The following CD226 variants were observed in gnomAD, a reference collection of about 807,000 sequenced individuals.
CD226 encodes the protein CD226 molecule.
In CD226, 24 loss-of-function variants were observed where a neutral mutation model predicts 34.9. That is an observed-to-expected ratio of 0.69 (90% CI 0.50 to 0.97). The LOEUF (loss-of-function observed/expected upper bound fraction) is 0.97. Among genes scored for constraint, CD226 ranks in the 50% least tolerant of loss-of-function variants. The pLI, the probability that CD226 is intolerant of heterozygous loss-of-function variation, is 0.00. For missense variants in CD226, 397 were observed against 412.7 expected (o/e 0.96, Z 0.33); for synonymous variants, 148 against 147.4 (o/e 1.00, Z -0.03).
rs142661582 is a variant in CD226 at position 69,865,146 on chromosome 18, C to T, written c.886-707G>A. On this transcript the variant is annotated intron_variant, in intron 5 of 5. Coordinates refer to ENST00000582621, the MANE Select transcript of CD226 (RefSeq NM_001303618.2). ...CTGGGATTACAGGCAAGCACCATCA[C>T]GCCCAGCTAATTTTTGTATTTTTAG... Among the ~76,000 whole-genome samples the T allele has an allele frequency of 2.7e-3, 409 of 152,138 alleles. 1 individual carries two copies. Among genetic ancestry groups the T allele is most frequent in the African/African-American group, 3.7e-3 (153 of 41,504 alleles).
intron 3 of CD226, among the ~76,000 whole-genome samples, chr18:69,887,435 C>T (rs1436178678): frequency 6.6e-6 from 1 of 152,106 alleles, no homozygotes; most frequent in South Asian, 2.1e-4. Flanking sequence ...ACTTGGTGAG[C>T]CTGTATTTTT....
rs1372046117 is a variant in CD226, at chr18:69,864,090, T to C, written c.*224A>G. On this transcript the variant is annotated 3_prime_UTR_variant, in exon 6 of 6. Coordinates refer to ENST00000582621, the MANE Select transcript of CD226 (RefSeq NM_001303618.2). The stretch of plus-strand genomic sequence containing the variant: ...ATCTCCCCTGGATCATTCTGTTATA[T>C]GATACAGTAAGTTTTCTTTTGTATA... The C allele has an allele frequency of 2.1e-6, 1 of 485,574 alleles. No individual in the cohort carries two copies. Among genetic ancestry groups the C allele is most frequent in the Non-Finnish European group, 3.7e-6 (1 of 271,274 alleles). The allele number at this position is 485,574 out of a possible 1,614,324, so 30.1% of individuals were successfully genotyped here.
At chr18:69,915,769 T>C (rs146457880) in intron 2 of CD226, among the ~76,000 whole-genome samples, 6 of 152,210 alleles carry the variant, frequency 3.9e-5, no homozygotes, top group African/African-American at 1.4e-4. Flanking sequence ...AAAGTTATCA[T>C]TTTACACTCT....
chr18:69,929,778 C>T (rs191405398), intron 2 of CD226, among the ~76,000 whole-genome samples: 163 of 152,332 alleles, frequency 1.1e-3, no homozygotes, highest in Non-Finnish European at 1.9e-3. Context: ...TCAATGACAG[C>T]ACCATCTACT....
At chr18:69,888,953 T>C (rs1388724676) in intron 3 of CD226, among the ~76,000 whole-genome samples, 2 of 152,074 alleles carry the variant, frequency 1.3e-5, no homozygotes, top group Non-Finnish European at 1.5e-5. Flanking sequence ...AGGCAAACAT[T>C]CTAGGTTTTT....
intron 2 of CD226, among the ~76,000 whole-genome samples, chr18:69,897,980 G>A (rs375992340): frequency 1.6e-4 from 24 of 151,794 alleles, no homozygotes; most frequent in African/African-American, 5.3e-4. Context: ...AAAACATTTC[G>A]TCTCTAAGTA....
At chr18:69,934,082 A>G (rs139523140) in intron 2 of CD226, among the ~76,000 whole-genome samples, 1 of 152,348 alleles carries the variant, frequency 6.6e-6, no homozygotes, top group East Asian at 1.9e-4. Flanking sequence ...GACATATACT[A>G]ACATTACCAA....
chr18:69,915,922 G>C (rs1241146909), intron 2 of CD226, among the ~76,000 whole-genome samples: 4 of 152,108 alleles, frequency 2.6e-5, no homozygotes, highest in African/African-American at 9.7e-5. Context: ...TCAAATCACA[G>C]GATGTGCCAG....
At chr18:69,866,916 A>T (rs1983183824) in intron 5 of CD226, among the ~76,000 whole-genome samples, 1 of 152,212 alleles carries the variant, frequency 6.6e-6, no homozygotes, top group Non-Finnish European at 1.5e-5. Context: ...CGACAGCTCC[A>T]CTAGAAGCTG....
rs147970414 is a variant in CD226, at chr18:69,891,157, T to G, written c.727+4544A>C. Among the ~76,000 whole-genome samples, 880 of 152,198 alleles carry G rather than the reference T, an allele frequency of 5.8e-3. 6 individuals carry two copies. Among genetic ancestry groups the G allele is most frequent in the African/African-American group, 0.019 (806 of 41,518 alleles). ...AATCAATTCTGATTTATCCCTGGCATGCAAAGATGGTTCAACATATGTAAA... is the reference window on the plus strand; with the variant it reads ...AATCAATTCTGATTTATCCCTGGCAGGCAAAGATGGTTCAACATATGTAAA... On this transcript the variant is annotated intron_variant, in intron 3 of 5. Coordinates refer to ENST00000582621, the MANE Select transcript of CD226 (RefSeq NM_001303618.2).
intron 2 of CD226, among the ~76,000 whole-genome samples, chr18:69,930,373 GATTTGTGAAAGGAGCAAATGT>G (rs2055574543): frequency 1.3e-5 from 2 of 152,338 alleles, no homozygotes; most frequent in Admixed American, 6.5e-5. Context: ...GAGCAGGACA[GATTTGTGAAAGGAGCAAATGT>G]ATTTGTGAAA....
chr18:69,901,906 T>C (rs2055191665), intron 2 of CD226, among the ~76,000 whole-genome samples: 2 of 151,506 alleles, frequency 1.3e-5, no homozygotes, highest in Admixed American at 1.3e-4. Context: ...TATTTGTTAG[T>C]ACAAGATTTG....
chr18:69,903,105 T>C (rs2055208253), intron 2 of CD226, among the ~76,000 whole-genome samples: 1 of 152,192 alleles, frequency 6.6e-6, no homozygotes, highest in Non-Finnish European at 1.5e-5. Flanking sequence ...AATGGCACTT[T>C]TGAAGCTCAT....
At chr18:69,914,719 A>G (rs1238476872) in intron 2 of CD226, among the ~76,000 whole-genome samples, 1 of 152,196 alleles carries the variant, frequency 6.6e-6, no homozygotes, top group Non-Finnish European at 1.5e-5. Context: ...ACAAATAACC[A>G]TCAATTGAGG....
rs2145369787 is a variant in CD226 at position 69,947,586 on chromosome 18, T to A, written c.-180A>T. The A allele has an allele frequency of 4.7e-6, 2 of 427,844 alleles. 1 individual carries two copies. The highest frequency in any genetic ancestry group is 1.1e-3 in the Middle Eastern group (2 of 1,808). 26.5% of individuals were successfully genotyped at this position (427,844 alleles called of 1,614,324 possible). A position where few individuals can be genotyped will look rare whatever the true frequency, so the allele number is the denominator to read the frequency against. Reference sequence around the variant, plus strand: ...TAGCTTAAAAGACAGGTTTGCTCCTTTATGAGGATGGGCAGATTTGAGTTT... The same window carrying A: ...TAGCTTAAAAGACAGGTTTGCTCCTATATGAGGATGGGCAGATTTGAGTTT... On this transcript the variant is annotated 5_prime_UTR_variant, in exon 1 of 6. Transcript: ENST00000582621.
upstream of CD226, among the ~76,000 whole-genome samples, chr18:69,951,038 T>A (rs914369040): frequency 6.6e-6 from 1 of 150,880 alleles, no homozygotes; most frequent in African/African-American, 2.5e-5. Flanking sequence ...TGCTATGTTG[T>A]CCAGGCTGAT....
rs1419886650 is a variant in CD226, at chr18:69,855,168, T to C, written c.*9146A>G. ...TCAAAAGGCAAGAAAAGTCATGGTC[T>C]GAAGAGATAAAGCAATCATTGGAAC... On this transcript the variant is annotated 3_prime_UTR_variant, in exon 6 of 6. Coordinates refer to ENST00000582621, the MANE Select transcript of CD226 (RefSeq NM_001303618.2). 6.6e-6 allele frequency: 1 copy of C among 152,040 alleles called. No individual in the cohort carries two copies. The highest frequency in any genetic ancestry group is 1.5e-5 in the Non-Finnish European group (1 of 68,020). 9.4% of individuals were successfully genotyped at this position (152,040 alleles called of 1,614,324 possible).
At position 69,856,443 on chromosome 18, in the gene CD226, G is replaced by T. The variant is rs547636480; in HGVS notation, c.*7871C>A. 1 of 152,186 alleles carries T rather than the reference G, an allele frequency of 6.6e-6. No individual in the cohort carries two copies. The highest frequency in any genetic ancestry group is 2.1e-4 in the South Asian group (1 of 4,818). 9.4% of individuals were successfully genotyped at this position (152,186 alleles called of 1,614,324 possible). A position where few individuals can be genotyped will look rare whatever the true frequency, so the allele number is the denominator to read the frequency against. ...AAAGGATATAGATAATCTGAACGGT[G>T]GTATCAATCAGTTTAATCTAATGGA... On this transcript the variant is annotated 3_prime_UTR_variant, in exon 6 of 6. Coordinates refer to ENST00000582621, the MANE Select transcript of CD226 (RefSeq NM_001303618.2).
At chr18:69,882,204 C>T (rs1044949337) in intron 3 of CD226, among the ~76,000 whole-genome samples, 2 of 152,152 alleles carry the variant, frequency 1.3e-5, no homozygotes, top group Non-Finnish European at 2.9e-5. Flanking sequence ...AGAAATTTTG[C>T]TACAATTTGC....
Sources: gnomAD v4.1 joint callset for allele counts (sites outside exome capture counted in the v4.1 genomes callset) on GRCh38, gnomAD v4.1.1 for gene constraint, MANE v1.5 for transcripts, NCBI Gene and HGNC (gene_info 2026-07-23, HGNC 2026-07-21) for gene names.